The following PTPN3 variants were observed in gnomAD, a reference collection of about 807,000 sequenced individuals.
PTPN3 encodes the protein tyrosine-protein phosphatase non-receptor type 3.
In PTPN3, 96 loss-of-function variants were observed where a neutral mutation model predicts 132.7. That is an observed-to-expected ratio of 0.72 (90% CI 0.61 to 0.86). The LOEUF (loss-of-function observed/expected upper bound fraction) is 0.86, where lower values mean the gene tolerates loss of function less well. Ranked by LOEUF, PTPN3 falls within the 40% of genes least tolerant of loss-of-function variation. The probability of loss-of-function intolerance (pLI) is 0.00; values close to 1 mark genes in which losing one functional copy is unlikely to be tolerated. For missense variants in PTPN3, 1,125 were observed against 1,159.6 expected, an observed-to-expected ratio of 0.97 and a Z score of 0.43; for synonymous variants, 398 against 429.0, an observed-to-expected ratio of 0.93 and a Z score of 0.89.
In PTPN3 at chr9:109,448,827, C is replaced by T; in HGVS notation, c.397G>A (p.Asp133Asn). 6.2e-7 allele frequency: 1 copy of T among 1,601,604 alleles called. No homozygotes were observed. The highest frequency in any genetic ancestry group is 8.5e-7 in the Non-Finnish European group (1 of 1,176,700). Residue 133 changes from aspartate (D) to asparagine (N), a missense_variant, in exon 6 of 26, where the codon GAT becomes AAT. Coordinates refer to ENST00000374541, the MANE Select transcript of PTPN3 (RefSeq NM_002829.4). Reference protein sequence around the residue: ...RHLYFLQLKMDICEGRLTCPL... With the variant: ...RHLYFLQLKMNICEGRLTCPL... ...TCTCATTACCTTCCTTCGCAAATATCCATCTTCAGTTGTAAGAAATACAAG... is the reference window on the plus strand; with the variant it reads ...TCTCATTACCTTCCTTCGCAAATATTCATCTTCAGTTGTAAGAAATACAAG...
the PTPN3 span, among the ~76,000 whole-genome samples, chr9:109,520,449 C>T: frequency 2.9e-4 from 44 of 152,278 alleles, no homozygotes; most frequent in African/African-American, 9.9e-4. Context: ...AGGAGCATCC[C>T]GAAGTATATG....
At chr9:109,404,812 T>C (rs1841427928) in intron 18 of PTPN3, among the ~76,000 whole-genome samples, 1 of 152,252 alleles carries the variant, frequency 6.6e-6, no homozygotes, top group Non-Finnish European at 1.5e-5. Flanking sequence ...TAAAATGACA[T>C]ACTAATCTTC....
the PTPN3 span, among the ~76,000 whole-genome samples, chr9:109,508,608 CA>C: frequency 6.6e-6 from 1 of 152,084 alleles, no homozygotes; most frequent in Non-Finnish European, 1.5e-5. Context: ...GTGCCCCTTA[CA>C]AAAAAATTGC....
At chr9:109,401,557 T>C (rs567707452) in intron 19 of PTPN3, among the ~76,000 whole-genome samples, 29 of 152,300 alleles carry the variant, frequency 1.9e-4, no homozygotes, top group African/African-American at 6.7e-4. Flanking sequence ...CACCTCAAAT[T>C]GGAGCCACCT....
At chr9:109,454,911 G>T (rs1340030596) in intron 4 of PTPN3, among the ~76,000 whole-genome samples, 1 of 152,178 alleles carries the variant, frequency 6.6e-6, no homozygotes, top group Non-Finnish European at 1.5e-5. Flanking sequence ...AATATACAAA[G>T]AAATAATAGC....
intron 22 of PTPN3, among the ~76,000 whole-genome samples, chr9:109,383,996 G>A (rs1839351075): frequency 6.6e-6 from 1 of 152,098 alleles, no homozygotes; most frequent in South Asian, 2.1e-4. Context: ...GCAGTTAAGG[G>A]CACACATCTG....
the PTPN3 span, chr9:109,534,048 A>G: frequency 1.3e-6 from 1 of 770,080 alleles, no homozygotes; most frequent in Admixed American, 1.7e-5. Context: ...TCCTGGGGTT[A>G]TTCTTCGTTT....
chr9:109,518,141 C>G, the PTPN3 span, among the ~76,000 whole-genome samples: 1 of 152,168 alleles, frequency 6.6e-6, no homozygotes, highest in Non-Finnish European at 1.5e-5. Flanking sequence ...TCATTACATA[C>G]TCTCCAGTTA....
chr9:109,412,246 T>G (rs1339815285), intron 14 of PTPN3, among the ~76,000 whole-genome samples: 1 of 152,154 alleles, frequency 6.6e-6, no homozygotes, highest in Non-Finnish European at 1.5e-5. Flanking sequence ...TAAAGCTCTG[T>G]TGCCCAGGCT....
At chr9:109,524,404 G>C in the PTPN3 span, among the ~76,000 whole-genome samples, 2 of 39,270 alleles carry the variant, frequency 5.1e-5, no homozygotes, top group African/African-American at 1.2e-4. Flanking sequence ...AGCCTCTGAA[G>C]TTCAGATACA....
intron 19 of PTPN3, among the ~76,000 whole-genome samples, chr9:109,401,963 T>C (rs1406135451): frequency 6.6e-6 from 1 of 152,150 alleles, no homozygotes; most frequent in Non-Finnish European, 1.5e-5. Context: ...TCTTCAGCTG[T>C]TTCTGGGACA....
the PTPN3 span, among the ~76,000 whole-genome samples, chr9:109,514,444 T>C: frequency 6.6e-6 from 1 of 152,160 alleles, no homozygotes; most frequent in Non-Finnish European, 1.5e-5. Flanking sequence ...GAAGAAGAAG[T>C]GGCGAGGGGG....
chr9:109,527,376 G>A, the PTPN3 span, among the ~76,000 whole-genome samples: 1 of 152,196 alleles, frequency 6.6e-6, no homozygotes, highest in Non-Finnish European at 1.5e-5. Flanking sequence ...AATGAGAATT[G>A]CTTGAGCCAG....
chr9:109,480,692 T>C (rs1330311599), intron 1 of PTPN3, among the ~76,000 whole-genome samples: 2 of 152,238 alleles, frequency 1.3e-5, no homozygotes, highest in Non-Finnish European at 2.9e-5. Context: ...TGATCCATTT[T>C]GAGTGAATTT....
intron 19 of PTPN3, among the ~76,000 whole-genome samples, chr9:109,394,159 T>C (rs1268033869): frequency 2.0e-5 from 3 of 152,242 alleles, no homozygotes. Flanking sequence ...CTAAACGGCA[T>C]TTTAGTTCTA....
At chr9:109,427,260 C>G (rs1843347064) in intron 11 of PTPN3, 138 bp from the exon 12 acceptor site, 6 of 868,390 alleles carry the variant, frequency 6.9e-6, no homozygotes, top group Non-Finnish European at 1.1e-5. Context: ...TGGCCACAAA[C>G]CAGTGTACCG....
chr9:109,503,678 G>T, the PTPN3 span, among the ~76,000 whole-genome samples: 1 of 150,562 alleles, frequency 6.6e-6, no homozygotes, highest in Non-Finnish European at 1.5e-5. Context: ...CACTAACTGC[G>T]CTCCAGCCTG....
At chr9:109,463,487 T>C in intron 1 of PTPN3, 36 bp from the exon 2 acceptor site, 1 of 1,577,454 alleles carries the variant, frequency 6.3e-7, no homozygotes, top group South Asian at 1.2e-5. Flanking sequence ...TGCTTTAATA[T>C]GCGAATTGTC....
chr9:109,404,977 G>T (rs1424137573), intron 18 of PTPN3, among the ~76,000 whole-genome samples: 1 of 152,126 alleles, frequency 6.6e-6, no homozygotes, highest in Non-Finnish European at 1.5e-5. Flanking sequence ...TTCTTTCTCA[G>T]GTTTTTTCAT....
Sources: allele counts gnomAD v4.1 joint callset (sites outside exome capture counted in the v4.1 genomes callset), GRCh38; gene constraint gnomAD v4.1.1; transcripts MANE v1.5; gene names NCBI Gene and HGNC (gene_info 2026-07-23, HGNC 2026-07-21).